The following RNF14 variants were observed in gnomAD, a reference collection of about 807,000 sequenced individuals.
RNF14 encodes the protein E3 ubiquitin-protein ligase RNF14.
RNF14 carries 26 observed loss-of-function variants against 52.6 expected under a neutral mutation model. The ratio of observed to expected loss-of-function variants is 0.49; its 90% confidence interval spans 0.36 to 0.69. The LOEUF (loss-of-function observed/expected upper bound fraction) is 0.69. Ranked by LOEUF, RNF14 falls within the 30% of genes least tolerant of loss-of-function variation. The pLI is 0.00. For synonymous variants in RNF14, 194 were observed against 202.0 expected (o/e 0.96, Z 0.34); for missense variants, 404 against 560.4 (o/e 0.72, Z 2.82).
intron 4 of RNF14, among the ~76,000 whole-genome samples, chr5:141,976,831 C>T (rs1754312938): frequency 7.2e-6 from 1 of 139,362 alleles, no homozygotes; most frequent in Non-Finnish European, 1.5e-5. Flanking sequence ...CTCTGTCACC[C>T]AGGCTGGAGC....
chr5:141,960,318 C>T (rs1272386325), intron 1 of RNF14, among the ~76,000 whole-genome samples: 1 of 152,228 alleles, frequency 6.6e-6, no homozygotes, highest in East Asian at 1.9e-4. Flanking sequence ...TGGAATCAGG[C>T]CTGGGGGTCC....
In RNF14 at chr5:141,970,733, T is replaced by C. The variant is rs1753668576; in HGVS notation, c.-151T>C. On this transcript the variant is annotated 5_prime_UTR_variant, in exon 2 of 9. The change abolishes an upstream ATG in the 5' untranslated region. Transcript: ENST00000394520. Reference sequence around the variant, plus strand: ...CAGGATTTTCATAATATATGTAGTATGAGTTCCACATCTTGGCCTCTTACC... The same window carrying C: ...CAGGATTTTCATAATATATGTAGTACGAGTTCCACATCTTGGCCTCTTACC... 6.6e-6 allele frequency: 1 copy of C among 152,398 alleles called. No homozygotes were observed. The highest frequency in any genetic ancestry group is 1.5e-5 in the Non-Finnish European group (1 of 68,052). The allele number at this position is 152,398 out of a possible 1,614,324, so 9.4% of individuals were successfully genotyped here. A position where few individuals can be genotyped will look rare whatever the true frequency, so the allele number is the denominator to read the frequency against.
At chr5:141,969,590 G>A (rs1326103858) in intron 1 of RNF14, 1 of 152,290 alleles carries the variant, frequency 6.6e-6, no homozygotes, top group African/African-American at 2.4e-5. Flanking sequence ...GAGTGAGAAG[G>A]AAATGGGGGT....
upstream of RNF14, chr5:141,955,796 G>T: frequency 6.2e-7 from 1 of 1,613,914 alleles, no homozygotes; most frequent in East Asian, 2.2e-5. The surrounding 1 kb of genome is among the most constrained non-coding windows in gnomAD (Gnocchi z 5.5). Context: ...GCTCGGGTCT[G>T]TAAGGGGGGG....
upstream of RNF14, chr5:141,957,343 T>C (rs1315401516): frequency 1.2e-6 from 2 of 1,613,672 alleles, no homozygotes; most frequent in Admixed American, 1.7e-5. The surrounding 1 kb of genome is among the most constrained non-coding windows in gnomAD (Gnocchi z 4.3). Flanking sequence ...AGTGTAGGTG[T>C]GCAGGGTGTT....
In RNF14 at chr5:141,973,282, A is replaced by T. The variant is rs868567140; in HGVS notation, c.-6-301A>T. 4.4e-5 allele frequency among the ~76,000 whole-genome samples: 6 copies of T among 136,696 alleles called. No individual in the cohort carries two copies. In the South Asian group the frequency reaches 1.2e-3, roughly 26 times the overall value. The allele number at this position is 136,696 out of a possible 152,430, so 89.7% of individuals were successfully genotyped here. ...AAACGGAGTTTCACTCTTGTCGCCC[A>T]GGCTGGAGTGCAGTGGCGTGATGTT... On this transcript the variant is annotated intron_variant, in intron 2 of 8. Transcript: ENST00000394520.
upstream of RNF14, chr5:141,955,181 C>G: frequency 1.2e-6 from 2 of 1,614,208 alleles, no homozygotes; most frequent in Non-Finnish European, 1.7e-6. This position sits in a 1 kb window ranked among gnomAD's most constrained non-coding sequence, Gnocchi z 5.5. Context: ...TGGTCTCCAG[C>G]CAGCCTCCCT....
chr5:141,987,654 A>G, intron 8 of RNF14, 79 bp from the exon 9 acceptor site: 1 of 1,387,764 alleles, frequency 7.2e-7, no homozygotes, highest in Non-Finnish European at 1.0e-6. Flanking sequence ...TAAGAGTACA[A>G]AAAATATTTT....
At chr5:141,964,945 T>A (rs7728738), upstream of RNF14, among the ~76,000 whole-genome samples, 11,949 of 150,492 alleles carry the variant, frequency 0.079, 510 homozygotes, top group Non-Finnish European at 0.096. Context: ...CTAATTTTTT[T>A]TAAAAAAAAA....
At position 141,970,756 on chromosome 5, in the gene RNF14, A is replaced by AAG. The variant is rs1753670319; in HGVS notation, c.-128_-127insAG. 6.6e-6 allele frequency: 1 copy of AAG among 152,316 alleles called. No homozygotes were observed. Among genetic ancestry groups the AAG allele is most frequent in the African/African-American group, 2.4e-5 (1 of 41,434 alleles). 9.4% of individuals were successfully genotyped at this position (152,316 alleles called of 1,614,324 possible). A position where few individuals can be genotyped will look rare whatever the true frequency, so the allele number is the denominator to read the frequency against. ...TATGAGTTCCACATCTTGGCCTCTT[A>AAG]CCCAGCTTCAGCAGTCTCAGCTCCA... On this transcript the variant is annotated 5_prime_UTR_variant, in exon 2 of 9. An upstream open reading frame in the 5' UTR gains an earlier in-frame stop. Transcript: ENST00000394520.
At chr5:141,975,774 A>G (rs1351625374) in intron 4 of RNF14, among the ~76,000 whole-genome samples, 1 of 152,080 alleles carries the variant, frequency 6.6e-6, no homozygotes, top group Non-Finnish European at 1.5e-5. Flanking sequence ...AAAATACAAA[A>G]ATTAGCCAAG....
upstream of RNF14, chr5:141,955,215 A>G: frequency 6.2e-7 from 1 of 1,614,164 alleles, no homozygotes; most frequent in Non-Finnish European, 8.5e-7. This position sits in a 1 kb window ranked among gnomAD's most constrained non-coding sequence, Gnocchi z 5.5. Flanking sequence ...CAACCTTCAG[A>G]GGCCTGGAAC....
At chr5:141,972,432 C>T (rs189610537) in intron 2 of RNF14, among the ~76,000 whole-genome samples, 14 of 152,002 alleles carry the variant, frequency 9.2e-5, no homozygotes, top group East Asian at 3.9e-4. Context: ...TGGGTGGAAG[C>T]GGGCCACTAT....
intron 2 of RNF14, among the ~76,000 whole-genome samples, chr5:141,973,241 C>CTTT (rs11385874): frequency 1.3e-4 from 19 of 141,104 alleles, no homozygotes; most frequent in African/African-American, 4.2e-4. Flanking sequence ...ATTTTCTTTT[C>CTTT]TTTTTTTTTT....
intron 6 of RNF14, chr5:141,982,797 C>G (rs1754898001): frequency 6.6e-6 from 1 of 152,078 alleles, no homozygotes; most frequent in South Asian, 2.1e-4. Flanking sequence ...GCCAAAAGTG[C>G]CTTTGTATTT....
chr5:141,986,463 A>G (rs113514012), intron 8 of RNF14, among the ~76,000 whole-genome samples: 111 of 152,344 alleles, frequency 7.3e-4, no homozygotes, highest in African/African-American at 2.6e-3. Context: ...TAGTAGTAAT[A>G]ATAGTGTCTT....
rs1434933897 is a variant in RNF14, at chr5:141,969,112, G to C, written c.-236G>C. ...GCTCAGCTGACAGCTCCCGAGAACG[G>C]AAGAGGCGGCGCGCCGGTTGAGCAG... On this transcript the variant is annotated 5_prime_UTR_variant, in exon 1 of 9. Transcript: ENST00000394520. 1.3e-5 allele frequency: 2 copies of C among 152,468 alleles called. No homozygotes were observed. Among genetic ancestry groups the C allele is most frequent in the African/African-American group, 4.8e-5 (2 of 41,462 alleles). 9.4% of individuals were successfully genotyped at this position (152,468 alleles called of 1,614,324 possible).
chr5:141,980,314 G>T lies in RNF14; in HGVS notation c.1026G>T (p.Leu342Phe). 1 of 1,614,128 alleles carries T rather than the reference G, an allele frequency of 6.2e-7. No homozygotes were observed. The highest frequency in any genetic ancestry group is 1.1e-5 in the South Asian group (1 of 91,062). The change falls in exon 6 of 9, where the codon TTG becomes TTT. Residue 342 changes from leucine (L) to phenylalanine (F), a missense_variant. Leu to Phe is a conservative substitution (Grantham distance 22, BLOSUM62 0). Coordinates refer to ENST00000394520, the MANE Select transcript of RNF14 (RefSeq NM_004290.5). ...CNFAFCTLCR[L>F]TYHGVSPCKV... ...TTGCCTTCTGTACTTTGTGCAGGTT[G>T]ACCTACCATGGGGTCTCCCCATGTA... is the stretch of plus-strand genomic sequence containing the variant.
upstream of RNF14, among the ~76,000 whole-genome samples, chr5:141,965,277 G>A (rs1483058662): frequency 6.6e-6 from 1 of 151,998 alleles, no homozygotes; most frequent in African/African-American, 2.4e-5. Context: ...TGCAGGCACC[G>A]TCAGGTCTGC....
Sources: allele counts gnomAD v4.1 joint callset (sites outside exome capture counted in the v4.1 genomes callset), GRCh38; gene constraint gnomAD v4.1.1; non-coding constraint Gnocchi (gnomAD v3.1); transcripts MANE v1.5; gene names NCBI Gene and HGNC (gene_info 2026-07-23, HGNC 2026-07-21).